The following WDR70 variants were observed in gnomAD, a reference collection of about 807,000 sequenced individuals.
WDR70 encodes the protein WD repeat-containing protein 70.
A neutral mutation model predicts 88.6 loss-of-function variants in WDR70; 53 were observed. That is an observed-to-expected ratio of 0.60 (90% CI 0.48 to 0.75). The LOEUF is 0.75. WDR70 is among the 30% of genes least tolerant of loss of function. WDR70 has a pLI of 0.00. For missense variants in WDR70, 610 were observed against 823.2 expected, an observed-to-expected ratio of 0.74 and a Z score of 3.17; for synonymous variants, 280 against 270.0, an observed-to-expected ratio of 1.04 and a Z score of -0.36.
intron 13 of WDR70, among the ~76,000 whole-genome samples, chr5:37,706,509 A>G (rs556492389): frequency 6.6e-6 from 1 of 152,130 alleles, no homozygotes; most frequent in Non-Finnish European, 1.5e-5. Flanking sequence ...ACGTCTCATG[A>G]GATCTGATGG....
At chr5:37,519,579 G>A (rs1218218268) in intron 9 of WDR70, among the ~76,000 whole-genome samples, 1 of 128,444 alleles carries the variant, frequency 7.8e-6, no homozygotes, top group Non-Finnish European at 1.6e-5. Context: ...GATGGGCGGC[G>A]GGGCAGAGGC....
At chr5:37,582,805 G>C (rs1228638027) in intron 9 of WDR70, among the ~76,000 whole-genome samples, 1 of 152,242 alleles carries the variant, frequency 6.6e-6, no homozygotes, top group Non-Finnish European at 1.5e-5. Flanking sequence ...AATCCTAAAG[G>C]TCTTAAGTAA....
chr5:37,561,814 A>G (rs1399075168), intron 9 of WDR70, among the ~76,000 whole-genome samples: 1 of 152,250 alleles, frequency 6.6e-6, no homozygotes, highest in Non-Finnish European at 1.5e-5. Flanking sequence ...TAACATAAAG[A>G]TAGCATCTGA....
chr5:37,526,622 G>T (rs930179089), intron 9 of WDR70, among the ~76,000 whole-genome samples: 5 of 152,210 alleles, frequency 3.3e-5, no homozygotes, highest in African/African-American at 7.2e-5. Flanking sequence ...AGTGTTGGAA[G>T]TTCTGGCCAG....
chr5:37,723,570 G>C (rs16903706), intron 15 of WDR70: 12,728 of 152,506 alleles, frequency 0.083, 1,703 homozygotes, highest in African/African-American at 0.28. Flanking sequence ...AAGAAATAAT[G>C]GATGCTACAG....
Position 37,693,393 on chromosome 5 carries a change from G to T in WDR70, c.1093-4262G>T, listed in dbSNP as rs1271829120. Among the ~76,000 whole-genome samples, 15 of 152,136 alleles carry T rather than the reference G, an allele frequency of 9.9e-5. No homozygotes were observed. In the South Asian group the frequency reaches 2.5e-3, roughly 25 times the overall value. On this transcript the variant is annotated intron_variant, in intron 10 of 17. Transcript: ENST00000265107. ...TTCATATGGAACCAAAAAAGAGCCCGCATTGCCAACACAATCCTAAGCAAA... is the reference window on the plus strand; with the variant it reads ...TTCATATGGAACCAAAAAAGAGCCCTCATTGCCAACACAATCCTAAGCAAA...
Position 37,452,056 on chromosome 5 carries a change from T to C in WDR70, c.686+8684T>C, listed in dbSNP as rs114341596. Among the ~76,000 whole-genome samples the C allele has an allele frequency of 1.3e-3, 199 of 152,264 alleles. 1 individual carries two copies. Among genetic ancestry groups the C allele is most frequent in the African/African-American group, 4.7e-3 (194 of 41,560 alleles). ...AACATGTATATTTTAATATTTATTT[T>C]CCCCTCCAATTTCATTCTCTTTATT... is the stretch of plus-strand genomic sequence containing the variant. On this transcript the variant is annotated intron_variant, in intron 7 of 17. Transcript: ENST00000265107.
intron 5 of WDR70, among the ~76,000 whole-genome samples, chr5:37,423,551 TG>T (rs1280282416): frequency 1.3e-5 from 2 of 148,192 alleles, no homozygotes; most frequent in Non-Finnish European, 3.0e-5. Context: ...TTTAAATGTT[TG>T]TTTTTTTTTG....
chr5:37,735,318 A>G (rs1172511142), intron 17 of WDR70, among the ~76,000 whole-genome samples: 1 of 152,144 alleles, frequency 6.6e-6, no homozygotes, highest in Non-Finnish European at 1.5e-5. Context: ...TTATGTTTAC[A>G]AATGAATTCG....
chr5:37,625,385 A>T (rs1744633464), intron 10 of WDR70, among the ~76,000 whole-genome samples: 1 of 151,910 alleles, frequency 6.6e-6, no homozygotes, highest in South Asian at 2.1e-4. Context: ...CTGGAATGAG[A>T]TGTTATCTAG....
chr5:37,673,520 A>C (rs571911647), intron 10 of WDR70, among the ~76,000 whole-genome samples: 3 of 150,412 alleles, frequency 2.0e-5, no homozygotes, highest in Non-Finnish European at 4.4e-5. Flanking sequence ...TCCCACCAAC[A>C]GTGTATAAGC....
intron 9 of WDR70, among the ~76,000 whole-genome samples, chr5:37,528,942 C>G (rs1447815567): frequency 9.0e-6 from 1 of 110,746 alleles, no homozygotes; most frequent in African/African-American, 3.1e-5. Flanking sequence ...CTTGTAGAAT[C>G]TTTATGGTTT....
rs185852145 is a variant in WDR70, at chr5:37,419,394, C to T, written c.493-18528C>T. ...CTAATTTTTGTATTTTTAGTAGAGACGGGGTTTCACCATCTTGGCCAGGCT... is the reference window on the plus strand; with the variant it reads ...CTAATTTTTGTATTTTTAGTAGAGATGGGGTTTCACCATCTTGGCCAGGCT... On this transcript the variant is annotated intron_variant, in intron 5 of 17. Coordinates refer to ENST00000265107, the MANE Select transcript of WDR70 (RefSeq NM_018034.4). 8.8e-3 allele frequency among the ~76,000 whole-genome samples: 1,323 copies of T among 151,108 alleles called. 18 individuals are homozygous for T. Among genetic ancestry groups the T allele is most frequent in the African/African-American group, 0.029 (1,215 of 41,306 alleles).
At chr5:37,424,439 C>T (rs985913309) in intron 5 of WDR70, among the ~76,000 whole-genome samples, 1 of 149,388 alleles carries the variant, frequency 6.7e-6, no homozygotes, top group Non-Finnish European at 1.5e-5. Flanking sequence ...GGGTCTTGCT[C>T]TGTTGCCCAG....
chr5:37,541,490 T>C (rs970386116), intron 9 of WDR70, among the ~76,000 whole-genome samples: 1 of 152,248 alleles, frequency 6.6e-6, no homozygotes, highest in Non-Finnish European at 1.5e-5. Flanking sequence ...TTTTATCTAA[T>C]CCTATTTTTC....
At chr5:37,646,477 T>C (rs1745243160) in intron 10 of WDR70, among the ~76,000 whole-genome samples, 1 of 152,200 alleles carries the variant, frequency 6.6e-6, no homozygotes, top group Non-Finnish European at 1.5e-5. Flanking sequence ...TTTGATGATT[T>C]GTTTTTTGCC....
chr5:37,576,055 CA>C (rs1041861200), intron 9 of WDR70, among the ~76,000 whole-genome samples: 6 of 149,992 alleles, frequency 4.0e-5, no homozygotes, highest in African/African-American at 1.2e-4. Flanking sequence ...TCCTTCCTTC[CA>C]ACTTCCTTCC....
chr5:37,453,273 C>T (rs1430459727), intron 7 of WDR70, among the ~76,000 whole-genome samples: 2 of 152,158 alleles, frequency 1.3e-5, no homozygotes, highest in African/African-American at 2.4e-5. Flanking sequence ...GTCTCACAGC[C>T]TTCAGAGCTG....
intron 7 of WDR70, among the ~76,000 whole-genome samples, chr5:37,448,205 T>C (rs1231332331): frequency 1.3e-5 from 2 of 152,216 alleles, no homozygotes; most frequent in Non-Finnish European, 2.9e-5. Flanking sequence ...TAAATTGTCC[T>C]AGATTTGTCT....
Sources: allele counts gnomAD v4.1 joint callset (sites outside exome capture counted in the v4.1 genomes callset), GRCh38; gene constraint gnomAD v4.1.1; transcripts MANE v1.5; gene names NCBI Gene and HGNC (gene_info 2026-07-23, HGNC 2026-07-21).